NTRK2: variants seen among roughly 807,000 people sequenced by gnomAD.
NTRK2 encodes BDNF/NT-3 growth factors receptor.
Under a neutral mutation model 94.5 loss-of-function variants are expected in NTRK2, and 13 were observed. That is an observed-to-expected ratio of 0.14 (90% confidence interval 0.09 to 0.22). The LOEUF (loss-of-function observed/expected upper bound fraction) is 0.22. Among genes scored for constraint, NTRK2 ranks in the 10% least tolerant of loss-of-function variants. NTRK2 has a pLI of 1.00. For missense variants in NTRK2, 639 were observed against 1,071.2 expected, an observed-to-expected ratio of 0.60 and a Z score of 5.63; for synonymous variants, 372 against 407.4, an observed-to-expected ratio of 0.91 and a Z score of 1.05.
At chr9:84,842,746 A>C (rs2074255650) in intron 12 of NTRK2, among the ~76,000 whole-genome samples, 1 of 152,116 alleles carries the variant, frequency 6.6e-6, no homozygotes, top group Non-Finnish European at 1.5e-5. Context: ...TCAAACCCTC[A>C]GTTTTTTAAT....
chr9:84,755,634 A>C (rs1564197251), intron 12 of NTRK2, among the ~76,000 whole-genome samples: 1 of 146,292 alleles, frequency 6.8e-6, no homozygotes, highest in Non-Finnish European at 1.5e-5. Flanking sequence ...GTTTTCACAC[A>C]CTGTTTTCAA....
At chr9:84,992,011 C>T (rs1829141987) in intron 17 of NTRK2, among the ~76,000 whole-genome samples, 1 of 152,176 alleles carries the variant, frequency 6.6e-6, no homozygotes, top group Non-Finnish European at 1.5e-5. Flanking sequence ...ATTTTGAAAA[C>T]AGAGCTTCAT....
intron 12 of NTRK2, chr9:84,810,818 A>G (rs1327942745): frequency 7.3e-7 from 1 of 1,361,360 alleles, no homozygotes; most frequent in African/African-American, 1.5e-5. Flanking sequence ...CAGCACCTCA[A>G]GAAAACATGT....
At position 84,905,747 on chromosome 9, in the gene NTRK2, G is replaced by C. The variant is rs145271425; in HGVS notation, c.1634-28415G>C. 7.0e-4 allele frequency among the ~76,000 whole-genome samples: 107 copies of C among 152,256 alleles called. 1 individual carries two copies. The East Asian group carries it at 0.015, about 21-fold the overall frequency. ...AGTGTCAGGTAGGTGGATTCTGTAC[G>C]CAGACTTAAATTAATATAGATCTGA... On this transcript the variant is annotated intron_variant, in intron 14 of 18. Coordinates refer to ENST00000277120, the MANE Select transcript of NTRK2 (RefSeq NM_006180.6).
chr9:84,859,551 A>G (rs966005402), intron 12 of NTRK2, among the ~76,000 whole-genome samples: 49 of 152,216 alleles, frequency 3.2e-4, no homozygotes, highest in African/African-American at 1.1e-3. Context: ...TTAATGATCA[A>G]AAATAATCTG....
chr9:85,016,973 C>G (rs1207095456), intron 17 of NTRK2, among the ~76,000 whole-genome samples: 1 of 152,180 alleles, frequency 6.6e-6, no homozygotes, highest in African/African-American at 2.4e-5. Context: ...CTTTTGTTCT[C>G]TCTCTCTTCT....
At chr9:84,673,631 A>G (rs1243323383) in intron 2 of NTRK2, among the ~76,000 whole-genome samples, 1 of 152,190 alleles carries the variant, frequency 6.6e-6, no homozygotes, top group Non-Finnish European at 1.5e-5. Context: ...GGGTTCTAAG[A>G]ACACAAATAG....
chr9:84,996,828 T>G (rs1359891576), intron 17 of NTRK2, among the ~76,000 whole-genome samples: 3 of 152,242 alleles, frequency 2.0e-5, no homozygotes, highest in Non-Finnish European at 4.4e-5. Context: ...GTCCCCTACT[T>G]CAGGTATGTG....
intron 17 of NTRK2, among the ~76,000 whole-genome samples, chr9:84,997,019 A>C (rs547898397): frequency 1.3e-5 from 2 of 152,212 alleles, no homozygotes; most frequent in Non-Finnish European, 2.9e-5. Flanking sequence ...TTCACATTCA[A>C]CTGGGTGATA....
chr9:84,808,567 T>C (rs1237737208), intron 12 of NTRK2, among the ~76,000 whole-genome samples: 1 of 152,224 alleles, frequency 6.6e-6, no homozygotes, highest in African/African-American at 2.4e-5. Context: ...GATTTGTTAA[T>C]TTGGCATGCT....
intron 14 of NTRK2, among the ~76,000 whole-genome samples, chr9:84,888,418 G>C (rs950109970): frequency 4.0e-5 from 6 of 151,406 alleles, no homozygotes; most frequent in Non-Finnish European, 1.5e-5. Flanking sequence ...AGACCATCCT[G>C]GCCAACATGG....
intron 2 of NTRK2, among the ~76,000 whole-genome samples, chr9:84,692,835 C>CT (rs575660651): frequency 3.2e-3 from 454 of 139,802 alleles, no homozygotes; most frequent in Non-Finnish European, 5.8e-3. Context: ...TTAGAGATTG[C>CT]TATGCATGGG....
chr9:84,792,837 C>T (rs560332858), intron 12 of NTRK2, among the ~76,000 whole-genome samples: 43 of 152,250 alleles, frequency 2.8e-4, no homozygotes, highest in African/African-American at 9.9e-4. Flanking sequence ...TCTGAGCTAT[C>T]TTAGGACCTC....
At position 85,023,583 on chromosome 9, in the gene NTRK2, G is replaced by A. The variant is rs201424906; in HGVS notation, c.*2146G>A. On this transcript the variant is annotated 3_prime_UTR_variant, in exon 19 of 19. Coordinates refer to ENST00000277120, the MANE Select transcript of NTRK2 (RefSeq NM_006180.6). ...AGTTGGGTCGTTTGTTCTCTTTGTTGATGATTTTAAAAAAACCCTCTAGAA... is the reference window on the plus strand; with the variant it reads ...AGTTGGGTCGTTTGTTCTCTTTGTTAATGATTTTAAAAAAACCCTCTAGAA... 1 of 217,002 alleles carries A rather than the reference G, an allele frequency of 4.6e-6. No homozygotes were observed. The highest frequency in any genetic ancestry group is 9.1e-6 in the Non-Finnish European group (1 of 109,692). 13.4% of individuals were successfully genotyped at this position (217,002 alleles called of 1,614,324 possible).
In NTRK2 at chr9:84,819,510, GTTGA is replaced by G. The variant is rs543504376; in HGVS notation, c.1397-41523_1397-41520del. On this transcript the variant is annotated intron_variant, in intron 12 of 18. Coordinates refer to ENST00000277120, the MANE Select transcript of NTRK2 (RefSeq NM_006180.6). ...CTCCAGGCTCCTGGGTCTTGGGGAG[GTTGA>G]TTGATTACCTCTCCATCACGCTTCA... Among the ~76,000 whole-genome samples, 21 of 152,318 alleles carry G rather than the reference GTTGA, an allele frequency of 1.4e-4. 1 individual carries two copies. The highest frequency in any genetic ancestry group is 3.4e-3 in the Middle Eastern group (1 of 294).
At chr9:84,846,784 C>T (rs1021751183) in intron 12 of NTRK2, among the ~76,000 whole-genome samples, 2 of 152,194 alleles carry the variant, frequency 1.3e-5, no homozygotes, top group East Asian at 3.9e-4. Flanking sequence ...CAGGCTGCTG[C>T]CAGCGTAAAA....
At chr9:84,873,184 C>T (rs1373736425) in intron 14 of NTRK2, 9 of 1,062,320 alleles carry the variant, frequency 8.5e-6, no homozygotes, top group Non-Finnish European at 1.0e-5. Flanking sequence ...ATTGCTTTAG[C>T]GCTTCCTTCT....
At chr9:84,905,301 T>TGTGTGA (rs1213256039) in intron 14 of NTRK2, among the ~76,000 whole-genome samples, 1 of 151,162 alleles carries the variant, frequency 6.6e-6, no homozygotes, top group Non-Finnish European at 1.5e-5. Context: ...TGTGTGTGTG[T>TGTGTGA]GTGTGACTGA....
At chr9:84,880,669 C>T (rs1213396274) in intron 14 of NTRK2, among the ~76,000 whole-genome samples, 1 of 152,182 alleles carries the variant, frequency 6.6e-6, no homozygotes, top group Non-Finnish European at 1.5e-5. Flanking sequence ...TATTCTTGAG[C>T]ACTTTGTGAC....
Sources: gnomAD v4.1 joint callset for allele counts (sites outside exome capture counted in the v4.1 genomes callset) on GRCh38, gnomAD v4.1.1 for gene constraint, MANE v1.5 for transcripts, NCBI Gene and HGNC (gene_info 2026-07-23, HGNC 2026-07-21) for gene names.